The following ITPR1 variants were observed in gnomAD, a reference collection of about 807,000 sequenced individuals.
The protein encoded by ITPR1 is inositol 1,4,5-trisphosphate receptor type 1.
In ITPR1, 96 loss-of-function variants were observed where a neutral mutation model predicts 318.4. That is an observed-to-expected ratio of 0.30 (90% CI 0.26 to 0.36). The LOEUF is 0.36. ITPR1 is among the 10% of genes least tolerant of loss of function. The probability of loss-of-function intolerance (pLI) is 1.00; values close to 1 mark genes in which losing one functional copy is unlikely to be tolerated. For missense variants in ITPR1, 2,440 were observed against 3,460.2 expected (o/e 0.71, Z 7.40); for synonymous variants, 1,312 against 1,289.9 (o/e 1.02, Z -0.37).
At chr3:4,844,657 G>A (rs1274740640) in intron 61 of ITPR1, among the ~76,000 whole-genome samples, 1 of 152,138 alleles carries the variant, frequency 6.6e-6, no homozygotes, top group Non-Finnish European at 1.5e-5. Context: ...CCGAATCTGT[G>A]GATACAGTGT....
In ITPR1 at chr3:4,693,690, C is replaced by G. The variant is rs575759153; in HGVS notation, c.4230C>G (p.Leu1410=). The change falls in exon 33 of 62, where the codon CTC becomes CTG. Residue 1410 remains leucine (L), a synonymous_variant. Coordinates refer to ENST00000649015, the MANE Select transcript of ITPR1 (RefSeq NM_001378452.1). ...CAGAGATCAAGTGCAACTCCCTGCT[C>G]CCGCTGGATGACATCGTTCGCGTGG... The part of the protein sequence containing the change: ...VYTEIKCNSL[L]PLDDIVRVVT... 1 of 1,614,028 alleles carries G rather than the reference C, an allele frequency of 6.2e-7. No individual in the cohort carries two copies. Among genetic ancestry groups the G allele is most frequent in the African/African-American group, 1.3e-5 (1 of 75,054 alleles).
intron 4 of ITPR1, among the ~76,000 whole-genome samples, chr3:4,561,794 G>A (rs2086700134): frequency 6.6e-6 from 1 of 152,042 alleles, no homozygotes; most frequent in Non-Finnish European, 1.5e-5. Context: ...CAATAGACCT[G>A]CCAATAACTA....
intron 44 of ITPR1, among the ~76,000 whole-genome samples, chr3:4,762,403 T>C (rs1411667669): frequency 6.6e-6 from 1 of 152,212 alleles, no homozygotes; most frequent in Non-Finnish European, 1.5e-5. Context: ...GATTCGAGTT[T>C]CAGAGACATT....
intron 4 of ITPR1, among the ~76,000 whole-genome samples, chr3:4,570,201 G>C (rs967525230): frequency 6.6e-6 from 1 of 152,118 alleles, no homozygotes; most frequent in Non-Finnish European, 1.5e-5. Flanking sequence ...TTAAGTTCCC[G>C]AGCCTCATGA....
intron 44 of ITPR1, among the ~76,000 whole-genome samples, chr3:4,760,387 C>T (rs750980424): frequency 2.2e-4 from 33 of 152,192 alleles, no homozygotes; most frequent in Non-Finnish European, 4.1e-4. Flanking sequence ...CCCCAGCTTT[C>T]TGGGAACAAA....
chr3:4,829,982 G>C (rs866752223), intron 60 of ITPR1, among the ~76,000 whole-genome samples: 2 of 30,394 alleles, frequency 6.6e-5, no homozygotes, highest in African/African-American at 1.1e-4. Flanking sequence ...TTTTTTTTGT[G>C]TGTGTGTGTG....
chr3:4,609,089 T>TACACAC lies in ITPR1; in HGVS notation c.164-18669_164-18664dup, dbSNP rs1553643409. Among the ~76,000 whole-genome samples the TACACAC allele has an allele frequency of 2.5e-3, 234 of 91,858 alleles. 3 individuals are homozygous for TACACAC. The highest frequency in any genetic ancestry group is 8.2e-3 in the African/African-American group (217 of 26,384). 60.3% of individuals were successfully genotyped at this position (91,858 alleles called of 152,430 possible). A position where few individuals can be genotyped will look rare whatever the true frequency, so the allele number is the denominator to read the frequency against. On this transcript the variant is annotated intron_variant, in intron 4 of 61. Coordinates refer to ENST00000649015, the MANE Select transcript of ITPR1 (RefSeq NM_001378452.1). Reference sequence around the variant, plus strand: ...ATATATATATATATATATATATATATACACACACACGTATGTCAGTGGTGG... The same window carrying TACACAC: ...ATATATATATATATATATATATATATACACACACACACACACGTATGTCAGTGGTGG...
intron 4 of ITPR1, among the ~76,000 whole-genome samples, chr3:4,539,712 T>G (rs1439638569): frequency 2.6e-5 from 4 of 152,248 alleles, no homozygotes; most frequent in Non-Finnish European, 5.9e-5. Flanking sequence ...AATGGATTAA[T>G]GAGTTATCAT....
chr3:4,736,833 G>C (rs1259589042), intron 44 of ITPR1, among the ~76,000 whole-genome samples: 2 of 152,176 alleles, frequency 1.3e-5, no homozygotes, highest in Non-Finnish European at 2.9e-5. Context: ...CAGTTGAACT[G>C]AATAGTCATT....
chr3:4,779,441 G>C lies in ITPR1; in HGVS notation c.6292-109G>C. The C allele has an allele frequency of 1.3e-6, 1 of 751,912 alleles. No homozygotes were observed. Among genetic ancestry groups the C allele is most frequent in the South Asian group, 1.5e-5 (1 of 68,674 alleles). 46.6% of individuals were successfully genotyped at this position (751,912 alleles called of 1,614,324 possible). A position where few individuals can be genotyped will look rare whatever the true frequency, so the allele number is the denominator to read the frequency against. The stretch of plus-strand genomic sequence containing the variant: ...CCAGAGCTTCCTCATGGGGTGAAAT[G>C]TTCGTCTGTTTAGCCGGGATGCCTC... On this transcript the variant is annotated intron_variant, in intron 48 of 61. Coordinates refer to ENST00000649015, the MANE Select transcript of ITPR1 (RefSeq NM_001378452.1). This position sits in a 1 kb window ranked among gnomAD's most constrained non-coding sequence, Gnocchi z 4.0.
intron 2 of ITPR1, among the ~76,000 whole-genome samples, chr3:4,509,834 G>A (rs751221102): frequency 1.8e-4 from 28 of 152,152 alleles, no homozygotes; most frequent in Non-Finnish European, 3.5e-4. Flanking sequence ...CTAGGCAGCA[G>A]ATACAATAGC....
chr3:4,684,393 T>G, intron 29 of ITPR1, 47 bp downstream of exon 29: 35 of 1,346,904 alleles, frequency 2.6e-5, no homozygotes, highest in Non-Finnish European at 3.4e-5. Context: ...ATGAATTCTC[T>G]AAGGAGCTTT....
chr3:4,710,061 T>C lies in ITPR1; in HGVS notation c.4843-264T>C, dbSNP rs942332036. Reference sequence around the variant, plus strand: ...GCGTCATATTTTAAGCTACATGCAGTGGTACCTTGAGTAGCATAAGGGCCA... The same window carrying C: ...GCGTCATATTTTAAGCTACATGCAGCGGTACCTTGAGTAGCATAAGGGCCA... On this transcript the variant is annotated intron_variant, in intron 37 of 61. Coordinates refer to ENST00000649015, the MANE Select transcript of ITPR1 (RefSeq NM_001378452.1). The surrounding 1 kb of genome is among the most constrained non-coding windows in gnomAD (Gnocchi z 4.2). Among the ~76,000 whole-genome samples, 15 of 152,356 alleles carry C rather than the reference T, an allele frequency of 9.8e-5. No individual in the cohort carries two copies. The highest frequency in any genetic ancestry group is 3.1e-4 in the African/African-American group (13 of 41,576).
At chr3:4,807,929 C>G (rs2048692911) in intron 55 of ITPR1, among the ~76,000 whole-genome samples, 1 of 152,206 alleles carries the variant, frequency 6.6e-6, no homozygotes, top group Non-Finnish European at 1.5e-5. Context: ...GCCAAGGGCT[C>G]TCTCCCAAGA....
intron 4 of ITPR1, among the ~76,000 whole-genome samples, chr3:4,578,252 A>G (rs2088896703): frequency 6.6e-6 from 1 of 152,234 alleles, no homozygotes; most frequent in South Asian, 2.1e-4. Context: ...AAGATTCTAT[A>G]GAAAACATTT....
At chr3:4,580,677 C>A (rs1005057064) in intron 4 of ITPR1, among the ~76,000 whole-genome samples, 4 of 150,956 alleles carry the variant, frequency 2.6e-5, no homozygotes, top group African/African-American at 7.4e-5. Context: ...TCCTTACCCC[C>A]AACCTCTTGC....
chr3:4,828,113 G>A (rs1261008255), intron 60 of ITPR1, among the ~76,000 whole-genome samples: 1 of 152,122 alleles, frequency 6.6e-6, no homozygotes, highest in Non-Finnish European at 1.5e-5. Flanking sequence ...TATTGGTGAG[G>A]ATGTGTGTGT....
At chr3:4,627,434 A>G (rs1164203915) in intron 4 of ITPR1, among the ~76,000 whole-genome samples, 1 of 152,156 alleles carries the variant, frequency 6.6e-6, no homozygotes, top group Non-Finnish European at 1.5e-5. Flanking sequence ...ACTGCACTCC[A>G]GTCTGGGTGA....
intron 4 of ITPR1, among the ~76,000 whole-genome samples, chr3:4,539,267 A>T (rs1024413177): frequency 6.6e-6 from 1 of 152,196 alleles, no homozygotes; most frequent in Non-Finnish European, 1.5e-5. Context: ...TTTACAACTT[A>T]GTTGTGTGTT....
Sources: allele counts gnomAD v4.1 joint callset (sites outside exome capture counted in the v4.1 genomes callset), GRCh38; gene constraint gnomAD v4.1.1; non-coding constraint Gnocchi (gnomAD v3.1); transcripts MANE v1.5; gene names NCBI Gene and HGNC (gene_info 2026-07-23, HGNC 2026-07-21).